SPARC: variants seen among roughly 807,000 people sequenced by gnomAD.
The protein encoded by SPARC is secreted protein acidic and cysteine rich, also known as basement-membrane protein 40.
In SPARC, 23 loss-of-function variants were observed where a neutral mutation model predicts 37.7. The ratio of observed to expected loss-of-function variants is 0.61; its 90% CI spans 0.44 to 0.87. The LOEUF (loss-of-function observed/expected upper bound fraction) is 0.87, where lower values mean the gene tolerates loss of function less well. SPARC is among the 40% of genes least tolerant of loss of function. The pLI is 0.00. For synonymous variants in SPARC, 155 were observed against 150.8 expected (o/e 1.03, Z -0.20); for missense variants, 312 against 389.0 (o/e 0.80, Z 1.66).
intron 6 of SPARC, among the ~76,000 whole-genome samples, chr5:151,667,859 C>T (rs1760663839): frequency 6.6e-6 from 1 of 152,250 alleles, no homozygotes; most frequent in Non-Finnish European, 1.5e-5. Context: ...TGGATGGCTC[C>T]TGCACCTTAC....
Position 151,663,447 on chromosome 5 carries a change from A to C in SPARC, c.*124T>G. 1.1e-6 allele frequency: 1 copy of C among 912,956 alleles called. No individual in the cohort carries two copies. The highest frequency in any genetic ancestry group is 1.8e-6 in the Non-Finnish European group (1 of 568,210). 56.6% of individuals were successfully genotyped at this position (912,956 alleles called of 1,614,324 possible). On this transcript the variant is annotated 3_prime_UTR_variant, in exon 10 of 10. Coordinates refer to ENST00000231061, the MANE Select transcript of SPARC (RefSeq NM_003118.4). ...CATTTTTAGCACCGTTAATGTATTC[A>C]CTTAAATCTATGTTAGCACCTTGTC...
At chr5:151,676,485 A>G (rs774815649) in intron 1 of SPARC, among the ~76,000 whole-genome samples, 48 of 152,230 alleles carry the variant, frequency 3.2e-4, no homozygotes, top group Non-Finnish European at 5.6e-4. Flanking sequence ...ACAGGAAGTT[A>G]TATCCAGCTG....
intron 1 of SPARC, among the ~76,000 whole-genome samples, chr5:151,683,090 T>TGGGA (rs922705654): frequency 1.3e-4 from 9 of 68,846 alleles, no homozygotes; most frequent in South Asian, 1.0e-3. Flanking sequence ...GGATTGAGGT[T>TGGGA]GGGAGGGAGG....
chr5:151,664,027 C>T (rs971362176), intron 9 of SPARC, 60 bp downstream of exon 9: 1 of 1,603,838 alleles, frequency 6.2e-7, no homozygotes, highest in Admixed American at 1.7e-5. Context: ...GGATGACAAC[C>T]CAGCACCCTG....
Position 151,661,665 on chromosome 5 carries a change from T to G in SPARC, c.*1906A>C, listed in dbSNP as rs898542118. The G allele has an allele frequency of 1.3e-5, 2 of 152,174 alleles. No homozygotes were observed. The highest frequency in any genetic ancestry group is 2.9e-5 in the Non-Finnish European group (2 of 68,028). The allele number at this position is 152,174 out of a possible 1,614,324, so 9.4% of individuals were successfully genotyped here. A position where few individuals can be genotyped will look rare whatever the true frequency, so the allele number is the denominator to read the frequency against. ...GAGCTTTGAAAAGTGCTCTGTAGTC[T>G]TATGATGATCTAGAAGAGCACTGTC... is the stretch of plus-strand genomic sequence containing the variant. On this transcript the variant is annotated 3_prime_UTR_variant, in exon 10 of 10. Coordinates refer to ENST00000231061, the MANE Select transcript of SPARC (RefSeq NM_003118.4).
intron 7 of SPARC, 45 bp from the exon 8 acceptor site, chr5:151,666,554 G>T (rs751225623): frequency 1.9e-6 from 3 of 1,579,794 alleles, no homozygotes; most frequent in South Asian, 2.3e-5. Context: ...CATGGAGATT[G>T]TCTGGACCAG....
chr5:151,683,560 G>C (rs1191321510), intron 1 of SPARC, among the ~76,000 whole-genome samples: 2 of 152,158 alleles, frequency 1.3e-5, no homozygotes, highest in Non-Finnish European at 2.9e-5. Context: ...ATAAATGTAG[G>C]TTACACGTCT....
intron 8 of SPARC, among the ~76,000 whole-genome samples, chr5:151,665,836 A>G (rs1258319181): frequency 6.6e-6 from 1 of 152,244 alleles, no homozygotes; most frequent in Non-Finnish European, 1.5e-5. Flanking sequence ...GCAGTTGCAC[A>G]GGGCCTCATA....
In SPARC at chr5:151,683,468, G is replaced by C. The variant is rs1033563194; in HGVS notation, c.-14+3397C>G. On this transcript the variant is annotated intron_variant, in intron 1 of 9. Coordinates refer to ENST00000231061, the MANE Select transcript of SPARC (RefSeq NM_003118.4). ...ACGTGGAAGTTTGGCTCAGACGCCA[G>C]CTTGCTATGTGACCTCCAGTGAGTT... is the stretch of plus-strand genomic sequence containing the variant. 9.2e-5 allele frequency among the ~76,000 whole-genome samples: 14 copies of C among 152,228 alleles called. No homozygotes were observed. In the East Asian group the frequency reaches 2.7e-3, roughly 29 times the overall value.
At chr5:151,665,233 C>A (rs1242429207) in intron 8 of SPARC, among the ~76,000 whole-genome samples, 1 of 152,194 alleles carries the variant, frequency 6.6e-6, no homozygotes, top group African/African-American at 2.4e-5. Flanking sequence ...TGTTCTTGCA[C>A]CCCATCTGAA....
intron 1 of SPARC, among the ~76,000 whole-genome samples, chr5:151,677,499 C>G (rs1338266700): frequency 1.3e-5 from 2 of 152,170 alleles, no homozygotes; most frequent in African/African-American, 4.8e-5. Flanking sequence ...GAAAAATACT[C>G]AGCTTGAAAT....
rs1760756193 is a variant in SPARC, at chr5:151,671,904, T to C, written c.209-210A>G. The C allele has an allele frequency of 6.9e-6, 4 of 579,102 alleles. No individual in the cohort carries two copies. In the South Asian group the frequency reaches 9.3e-5, roughly 14 times the overall value. The allele number at this position is 579,102 out of a possible 1,614,324, so 35.9% of individuals were successfully genotyped here. ...TCAGCCTGGGGATTAGAGGTTTAGC[T>C]TGAGATAGAGGTCAGGCACTTCTGG... On this transcript the variant is annotated intron_variant, in intron 4 of 9. Coordinates refer to ENST00000231061, the MANE Select transcript of SPARC (RefSeq NM_003118.4).
intron 1 of SPARC, among the ~76,000 whole-genome samples, chr5:151,680,775 A>G (rs1186436278): frequency 1.3e-5 from 2 of 152,168 alleles, no homozygotes; most frequent in East Asian, 3.8e-4. Flanking sequence ...TAACATACCA[A>G]TCTTTAAAGG....
intron 1 of SPARC, among the ~76,000 whole-genome samples, chr5:151,681,163 T>A (rs1160107533): frequency 6.6e-6 from 1 of 152,166 alleles, no homozygotes; most frequent in African/African-American, 2.4e-5. Context: ...TAGAGGCTAA[T>A]AAAGGAAGCC....
chr5:151,681,899 A>G (rs1761001381), intron 1 of SPARC, among the ~76,000 whole-genome samples: 1 of 152,248 alleles, frequency 6.6e-6, no homozygotes, highest in Non-Finnish European at 1.5e-5. Context: ...CTCTCAAAAA[A>G]ATCCACAAAA....
chr5:151,667,401 C>T lies in SPARC; in HGVS notation c.585+66G>A, dbSNP rs558684286. The T allele has an allele frequency of 1.9e-6, 3 of 1,599,736 alleles. No homozygotes were observed. In the East Asian group the frequency reaches 6.7e-5, roughly 36 times the overall value. ...AGGATGCCGCCCTGCAGCTGGGGGC[C>T]CAGTTCTAGGAATGGGACTGGATCT... On this transcript the variant is annotated intron_variant, in intron 7 of 9. Transcript: ENST00000231061.
intron 1 of SPARC, chr5:151,679,148 C>T (rs1195962858): frequency 6.6e-6 from 1 of 152,184 alleles, no homozygotes; most frequent in African/African-American, 2.4e-5. Flanking sequence ...ATATAAATGA[C>T]CAATATTAAA....
intron 5 of SPARC, 42 bp downstream of exon 5, chr5:151,671,531 G>A: frequency 6.6e-7 from 1 of 1,515,026 alleles, no homozygotes; most frequent in East Asian, 2.5e-5. Context: ...GTATTCCGAA[G>A]TGCCCAATCC....
chr5:151,680,996 T>A (rs1457619208), intron 1 of SPARC, among the ~76,000 whole-genome samples: 1 of 152,140 alleles, frequency 6.6e-6, no homozygotes, highest in Non-Finnish European at 1.5e-5. Context: ...AAGTCCAGCC[T>A]CCAGAGGATA....
Sources: allele counts gnomAD v4.1 joint callset (sites outside exome capture counted in the v4.1 genomes callset), GRCh38; gene constraint gnomAD v4.1.1; transcripts MANE v1.5; gene names NCBI Gene and HGNC (gene_info 2026-07-23, HGNC 2026-07-21).